Variants in NID1 observed in about 807,000 individuals in gnomAD.
NID1 encodes nidogen 1.
Under a neutral mutation model 130.6 loss-of-function variants are expected in NID1, and 76 were observed. That is an observed-to-expected ratio of 0.58 (90% CI 0.48 to 0.70). NID1 has a LOEUF of 0.70. Ranked by LOEUF, NID1 falls within the 30% of genes least tolerant of loss-of-function variation. The pLI, the probability that NID1 is intolerant of heterozygous loss-of-function variation, is 0.00. For synonymous variants in NID1, 665 were observed against 675.1 expected (o/e 0.98, Z 0.23); for missense variants, 1,517 against 1,664.8 (o/e 0.91, Z 1.54).
At position 236,036,037 on chromosome 1, in the gene NID1, T is replaced by C. The variant is rs373414262; in HGVS notation, c.1285+2067A>G. Among the ~76,000 whole-genome samples, 9 of 152,308 alleles carry C rather than the reference T, an allele frequency of 5.9e-5. No individual in the cohort carries two copies. The East Asian group carries it at 1.5e-3, about 26-fold the overall frequency. On this transcript the variant is annotated intron_variant, in intron 5 of 19. Coordinates refer to ENST00000264187, the MANE Select transcript of NID1 (RefSeq NM_002508.3). The stretch of plus-strand genomic sequence containing the variant: ...ATGTCAAAATATGTGGCTGAACAGT[T>C]TGTCATATCTGAGCTGGCTGCCAAA...
intron 3 of NID1, among the ~76,000 whole-genome samples, chr1:236,044,224 C>T (rs556406958): frequency 1.6e-4 from 25 of 152,240 alleles, no homozygotes; most frequent in Non-Finnish European, 3.4e-4. Context: ...TATGGACTAG[C>T]TTGTGAGAGC....
chr1:236,038,602 A>C (rs1011811105), intron 4 of NID1, among the ~76,000 whole-genome samples: 1 of 151,752 alleles, frequency 6.6e-6, no homozygotes, highest in African/African-American at 2.4e-5. Flanking sequence ...TGTCCATCCA[A>C]ACTAGTGAGA....
chr1:236,064,601 A>T, intron 1 of NID1: 1 of 482,138 alleles, frequency 2.1e-6, no homozygotes, highest in Non-Finnish European at 3.8e-6. Context: ...CGCGGGGTCC[A>T]TGGGTGCCGG....
At chr1:236,013,124 T>C (rs1423894869) in intron 11 of NID1, among the ~76,000 whole-genome samples, 3 of 152,220 alleles carry the variant, frequency 2.0e-5, no homozygotes, top group African/African-American at 7.2e-5. Flanking sequence ...TGTCTCTTTG[T>C]GAAAGACAGA....
chr1:236,032,720 T>G (rs932920899), intron 5 of NID1, 68 bp from the exon 6 acceptor site: 1 of 1,575,206 alleles, frequency 6.3e-7, no homozygotes. Context: ...ACGAGTAATA[T>G]GTAGGACCTG....
At chr1:236,027,556 C>T (rs190878959) in intron 7 of NID1, among the ~76,000 whole-genome samples, 3 of 152,156 alleles carry the variant, frequency 2.0e-5, no homozygotes, top group African/African-American at 7.2e-5. Context: ...TGGCCAGGCA[C>T]GATGGCTCAC....
At chr1:236,004,377 A>G (rs1329758472) in intron 12 of NID1, among the ~76,000 whole-genome samples, 1 of 152,224 alleles carries the variant, frequency 6.6e-6, no homozygotes, top group Non-Finnish European at 1.5e-5. Flanking sequence ...CAGTGTGGGA[A>G]CAGGAAAGCC....
At chr1:236,029,775 C>T (rs1659044184) in intron 6 of NID1, 25 bp from the exon 7 acceptor site, 1 of 1,612,744 alleles carries the variant, frequency 6.2e-7, no homozygotes, top group Non-Finnish European at 8.5e-7. Context: ...GAGACTGTCA[C>T]TTTGCTGACT....
chr1:236,025,827 A>C, intron 8 of NID1, 69 bp downstream of exon 8: 1 of 1,567,722 alleles, frequency 6.4e-7, no homozygotes, highest in Non-Finnish European at 8.7e-7. Flanking sequence ...GAGACCAAAA[A>C]CAATGTCAAA....
At chr1:235,981,583 A>T in intron 16 of NID1, 28 bp downstream of exon 16, 1 of 1,594,426 alleles carries the variant, frequency 6.3e-7, no homozygotes. Flanking sequence ...AATCAAAGAG[A>T]TGCACACACA....
At chr1:235,982,004 C>A (rs1030537681) in intron 15 of NID1, among the ~76,000 whole-genome samples, 3 of 152,174 alleles carry the variant, frequency 2.0e-5, no homozygotes, top group Admixed American at 6.5e-5. Context: ...TCATGCTGCA[C>A]GTTGGGAACC....
In NID1 at chr1:236,048,761, C is replaced by T. The variant is rs761911797; in HGVS notation, c.454G>A (p.Ala152Thr). 180 of 1,613,402 alleles carry T rather than the reference C, an allele frequency of 1.1e-4. No homozygotes were observed. Among genetic ancestry groups the T allele is most frequent in the South Asian group, 4.1e-4 (37 of 91,048 alleles). The change falls in exon 2 of 20, where the codon GCG becomes ACG. Residue 152 changes from alanine (A) to threonine (T), a missense_variant. Physicochemically the swap from Ala to Thr is moderately conservative, Grantham distance 58. Around this residue, in one of 3 missense-constraint regions of NID1, gnomAD observed 1,329 missense variants for 1,429.2 expected, o/e 0.93. Coordinates refer to ENST00000264187, the MANE Select transcript of NID1 (RefSeq NM_002508.3). The stretch of plus-strand genomic sequence containing the variant: ...ACGGATTCCCAAGTGACAACCACCG[C>T]GCTACTAGGCTGGAAAGAGATCTCC... ...FPEISFQPSS[A>T]VVVTWESVAP...
At chr1:236,057,402 T>C (rs1469509263) in intron 1 of NID1, among the ~76,000 whole-genome samples, 1 of 152,144 alleles carries the variant, frequency 6.6e-6, no homozygotes, top group Non-Finnish European at 1.5e-5. Flanking sequence ...TAGTTAACAC[T>C]ACATGCTTTT....
At position 236,065,050 on chromosome 1, in the gene NID1, A is replaced by G. The variant is rs867614787; in HGVS notation, c.30T>C (p.Ala10=). The change falls in exon 1 of 20, where the codon GCT becomes GCC. Residue 10 remains alanine, a synonymous_variant. Transcript: ENST00000264187. The surrounding 1 kb of genome is among the most constrained non-coding windows in gnomAD (Gnocchi z 4.1). ...GCAGCAGCAGCGCCCGCGTCCACGC[A>G]GCCCGGATCCGGCTGCTCGAGGCCA... The part of the protein sequence containing the change: MLASSSRIR[A]AWTRALLLPL... The G allele has an allele frequency of 6.4e-7, 1 of 1,553,470 alleles. No individual in the cohort carries two copies. Among genetic ancestry groups the G allele is most frequent in the Middle Eastern group, 1.7e-4 (1 of 5,936 alleles).
intron 8 of NID1, among the ~76,000 whole-genome samples, chr1:236,025,283 ACAGAGT>A (rs1658893085): frequency 9.1e-6 from 1 of 110,072 alleles, no homozygotes; most frequent in Non-Finnish European, 1.7e-5. Context: ...TTTTTTTGAG[ACAGAGT>A]CTCACTCTGT....
intron 1 of NID1, among the ~76,000 whole-genome samples, chr1:236,059,029 A>G (rs893815966): frequency 1.3e-5 from 2 of 152,208 alleles, no homozygotes; most frequent in Admixed American, 1.3e-4. Flanking sequence ...TGTGACAGGC[A>G]TTTAGTACAA....
At chr1:236,043,085 G>A (rs538032227) in intron 3 of NID1, among the ~76,000 whole-genome samples, 6 of 152,288 alleles carry the variant, frequency 3.9e-5, no homozygotes, top group Non-Finnish European at 5.9e-5. Flanking sequence ...ACTCAGAGAC[G>A]GCATAGAAAC....
chr1:235,979,847 T>C lies in NID1; in HGVS notation c.3484A>G (p.Asn1162Asp). The change falls in exon 18 of 20, where the codon AAT becomes GAT. Residue 1162 changes from asparagine to aspartate, a missense_variant. By Grantham distance (23) the Asn-to-Asp change is conservative (BLOSUM62 1). This residue lies in a region of NID1 where 181 missense variants were observed against 211.3 expected (regional missense o/e 0.86). Transcript: ENST00000264187. The surrounding 1 kb of genome is among the most constrained non-coding windows in gnomAD (Gnocchi z 4.6). ...YPFAVTSYGKNLYFTDWKMNS... is the reference protein window; with the variant it reads ...YPFAVTSYGKDLYFTDWKMNS... The stretch of plus-strand genomic sequence containing the variant: ...ATCTTCCAGTCTGTGAAATACAGAT[T>C]CTTCCCGTAGCTCGTCACAGCAAAA... 6.2e-7 allele frequency: 1 copy of C among 1,614,044 alleles called. No individual in the cohort carries two copies. Among genetic ancestry groups the C allele is most frequent in the Non-Finnish European group, 8.5e-7 (1 of 1,179,952 alleles).
At chr1:236,041,803 T>C in intron 4 of NID1, 107 bp downstream of exon 4, 1 of 1,419,382 alleles carries the variant, frequency 7.0e-7, no homozygotes, top group Non-Finnish European at 9.5e-7. Context: ...GCTCTTATCT[T>C]TACAAACCAC....
Sources: gnomAD v4.1 joint callset for allele counts (sites outside exome capture counted in the v4.1 genomes callset) on GRCh38, gnomAD v4.1.1 for gene constraint, gnomAD v4.1.1 regional missense constraint, Gnocchi (gnomAD v3.1) non-coding constraint, MANE v1.5 for transcripts, NCBI Gene and HGNC (gene_info 2026-07-23, HGNC 2026-07-21) for gene names.